Variants in GALNT11 observed in about 807,000 individuals in gnomAD.
GALNT11 encodes the protein polypeptide N-acetylgalactosaminyltransferase 11.
In GALNT11, 47 loss-of-function variants were observed where a neutral mutation model predicts 72.7. That is an observed-to-expected ratio of 0.65 (90% CI 0.51 to 0.82). The LOEUF (loss-of-function observed/expected upper bound fraction) is 0.82, where lower values mean the gene tolerates loss of function less well. GALNT11 is among the 40% of genes least tolerant of loss of function. GALNT11 has a pLI of 0.00. For missense variants in GALNT11, 677 were observed against 778.4 expected (o/e 0.87, Z 1.55); for synonymous variants, 270 against 286.6 (o/e 0.94, Z 0.58).
intron 1 of GALNT11, among the ~76,000 whole-genome samples, chr7:152,093,475 G>T (rs766962204): frequency 6.6e-6 from 1 of 151,996 alleles, no homozygotes; most frequent in Non-Finnish European, 1.5e-5. Flanking sequence ...GCCCAGGCCA[G>T]AGTACAGTGG....
intron 1 of GALNT11, among the ~76,000 whole-genome samples, chr7:152,028,176 CGCTGCTG>C (rs1294768957): frequency 1.3e-5 from 2 of 152,162 alleles, no homozygotes; most frequent in African/African-American, 4.8e-5. Flanking sequence ...AGCAGGTTGC[CGCTGCTG>C]GCTCCAGTGG....
At chr7:152,027,126 G>A (rs2082058521) in intron 1 of GALNT11, among the ~76,000 whole-genome samples, 1 of 152,102 alleles carries the variant, frequency 6.6e-6, no homozygotes, top group African/African-American at 2.4e-5. Flanking sequence ...GCAGGCGCCT[G>A]TAATCCCAGC....
At chr7:152,074,309 A>T (rs2084826738) in intron 1 of GALNT11, 1 of 152,030 alleles carries the variant, frequency 6.6e-6, no homozygotes, top group Admixed American at 6.6e-5. Context: ...TTTTGAGTTG[A>T]TTTTCACATA....
At chr7:152,076,995 G>A (rs535520397) in intron 1 of GALNT11, among the ~76,000 whole-genome samples, 4 of 152,320 alleles carry the variant, frequency 2.6e-5, no homozygotes, top group South Asian at 4.1e-4. Flanking sequence ...GGGTGGATGA[G>A]GTGAGGATCG....
At chr7:152,058,191 TA>T in intron 1 of GALNT11, among the ~76,000 whole-genome samples, 1 of 152,326 alleles carries the variant, frequency 6.6e-6, no homozygotes, top group Non-Finnish European at 1.5e-5. Flanking sequence ...GCCTTAATTT[TA>T]AAAATGCTTT....
intron 1 of GALNT11, among the ~76,000 whole-genome samples, chr7:152,036,801 T>C (rs2151996041): frequency 6.6e-6 from 1 of 152,334 alleles, no homozygotes; most frequent in South Asian, 2.1e-4. Flanking sequence ...TGAGATGATA[T>C]CTCCTTGTAG....
chr7:152,070,880 T>C (rs1302433526), intron 1 of GALNT11, among the ~76,000 whole-genome samples: 1 of 152,098 alleles, frequency 6.6e-6, no homozygotes, highest in African/African-American at 2.4e-5. Context: ...ATTTTAAAGC[T>C]GGGCGTCCGG....
At chr7:152,075,772 G>A (rs577712034) in intron 1 of GALNT11, among the ~76,000 whole-genome samples, 1 of 150,276 alleles carries the variant, frequency 6.7e-6, no homozygotes, top group Non-Finnish European at 1.5e-5. Flanking sequence ...CTCCAGTCTG[G>A]GCAACAAGAG....
Position 152,106,323 on chromosome 7 carries a change from C to T in GALNT11, c.712+953C>T, listed in dbSNP as rs549490141. 6.3e-4 allele frequency among the ~76,000 whole-genome samples: 96 copies of T among 152,278 alleles called. 1 individual carries two copies. The highest frequency in any genetic ancestry group is 1.2e-3 in the Non-Finnish European group (83 of 68,024). ...AACCTGCCTCTGGGTTTGTGGTGGT[C>T]GGCACTGCTCACCACCACTCCCCCT... On this transcript the variant is annotated intron_variant, in intron 5 of 11. Transcript: ENST00000430044.
chr7:152,097,591 A>G (rs777280364), intron 2 of GALNT11, among the ~76,000 whole-genome samples: 8 of 152,274 alleles, frequency 5.3e-5, no homozygotes, highest in Admixed American at 2.0e-4. Flanking sequence ...AGGTGACAAC[A>G]TGTTATCCAA....
chr7:152,113,228 GT>G lies in GALNT11; in HGVS notation c.1081-13del. 1.9e-6 allele frequency: 3 copies of G among 1,597,926 alleles called. No individual in the cohort carries two copies. The highest frequency in any genetic ancestry group is 1.1e-5 in the South Asian group (1 of 88,086). ...CAACATGAGGCAACTGTTAACACCT[GT>G]TTTTGCTTCTGGCCAGATCTGGATG... On this transcript the variant is annotated splice_polypyrimidine_tract_variant and intron_variant, in intron 7 of 11. Transcript: ENST00000430044.
chr7:152,080,351 T>G (rs2085246710), intron 1 of GALNT11, among the ~76,000 whole-genome samples: 1 of 152,234 alleles, frequency 6.6e-6, no homozygotes, highest in African/African-American at 2.4e-5. Context: ...GTTCTTATAT[T>G]TTCAAGTTAG....
Position 152,115,969 on chromosome 7 carries a change from T to C in GALNT11, c.1234-1188T>C, listed in dbSNP as rs936730002. On this transcript the variant is annotated intron_variant, in intron 8 of 11. Coordinates refer to ENST00000430044, the MANE Select transcript of GALNT11 (RefSeq NM_022087.4). Reference sequence around the variant, plus strand: ...TACTCAGGAGGCTGAGGCAGGAGAATCGCTTGAACCTGGGAGGTGGAGGTT... The same window carrying C: ...TACTCAGGAGGCTGAGGCAGGAGAACCGCTTGAACCTGGGAGGTGGAGGTT... Among the ~76,000 whole-genome samples the C allele has an allele frequency of 3.3e-5, 5 of 152,186 alleles. No homozygotes were observed. The East Asian group carries it at 9.7e-4, about 29-fold the overall frequency.
At chr7:152,050,904 A>G (rs952476657) in intron 1 of GALNT11, among the ~76,000 whole-genome samples, 1 of 152,140 alleles carries the variant, frequency 6.6e-6, no homozygotes, top group African/African-American at 2.4e-5. Context: ...ACAGGGCAGC[A>G]CTGAGTTCCG....
chr7:152,080,780 G>A (rs2085274684), intron 1 of GALNT11, among the ~76,000 whole-genome samples: 1 of 151,790 alleles, frequency 6.6e-6, no homozygotes, highest in African/African-American at 2.4e-5. Flanking sequence ...TGTCCAACAT[G>A]GCGAAACCCC....
intron 1 of GALNT11, among the ~76,000 whole-genome samples, chr7:152,037,303 A>G (rs889024544): frequency 6.6e-6 from 1 of 152,296 alleles, no homozygotes; most frequent in East Asian, 1.9e-4. Context: ...TCGCAGCACC[A>G]TTTATTGAAG....
intron 1 of GALNT11, among the ~76,000 whole-genome samples, chr7:152,043,015 G>A (rs1586961433): frequency 6.6e-6 from 1 of 152,140 alleles, no homozygotes; most frequent in Non-Finnish European, 1.5e-5. Flanking sequence ...ATATTTATCA[G>A]TAATTTGATT....
At chr7:152,052,680 T>C (rs2067419993) in intron 1 of GALNT11, among the ~76,000 whole-genome samples, 1 of 152,190 alleles carries the variant, frequency 6.6e-6, no homozygotes, top group African/African-American at 2.4e-5. Context: ...CCTTCCTGGG[T>C]TCTTCCTCCT....
chr7:152,086,305 G>A (rs370786482), intron 1 of GALNT11, among the ~76,000 whole-genome samples: 96 of 152,266 alleles, frequency 6.3e-4, no homozygotes, highest in Non-Finnish European at 1.1e-3. Flanking sequence ...GATTACAAGC[G>A]AGAGCCACCG....
Sources: gnomAD v4.1 joint callset for allele counts (sites outside exome capture counted in the v4.1 genomes callset) on GRCh38, gnomAD v4.1.1 for gene constraint, MANE v1.5 for transcripts, NCBI Gene and HGNC (gene_info 2026-07-23, HGNC 2026-07-21) for gene names.